Variants in BAZ2B observed in about 807,000 individuals in gnomAD.
The protein encoded by BAZ2B is bromodomain adjacent to zinc finger domain 2B.
BAZ2B carries 91 observed loss-of-function variants against 246.0 expected under a neutral mutation model. The observed-to-expected ratio is 0.37, with a 90% CI of 0.31 to 0.44. The LOEUF (loss-of-function observed/expected upper bound fraction) is 0.44. Ranked by LOEUF, BAZ2B falls within the 20% of genes least tolerant of loss-of-function variation. The probability of loss-of-function intolerance (pLI) is 1.00; values close to 1 mark genes in which losing one functional copy is unlikely to be tolerated. For synonymous variants in BAZ2B, 855 were observed against 860.0 expected (o/e 0.99, Z 0.10); for missense variants, 2,332 against 2,533.7 (o/e 0.92, Z 1.71).
At chr2:159,475,698 C>A (rs976233499) in intron 3 of BAZ2B, among the ~76,000 whole-genome samples, 1 of 152,114 alleles carries the variant, frequency 6.6e-6, no homozygotes, top group Non-Finnish European at 1.5e-5. Flanking sequence ...ATTTATCTAC[C>A]TTTGGTCTTT....
the BAZ2B span, among the ~76,000 whole-genome samples, chr2:159,703,300 G>A: frequency 6.6e-6 from 1 of 151,192 alleles, no homozygotes; most frequent in African/African-American, 2.4e-5. Context: ...TACCACGTTG[G>A]CCAGGCTGGT....
chr2:159,348,408 A>G (rs892962268), intron 30 of BAZ2B, among the ~76,000 whole-genome samples: 3 of 150,960 alleles, frequency 2.0e-5, no homozygotes, highest in Non-Finnish European at 2.9e-5. Flanking sequence ...TTTCTAGGTT[A>G]CTTATAGTAC....
At chr2:159,470,825 T>G (rs191868091) in intron 3 of BAZ2B, among the ~76,000 whole-genome samples, 70 of 152,294 alleles carry the variant, frequency 4.6e-4, no homozygotes, top group Non-Finnish European at 7.5e-4. Context: ...CAAAAGTTTG[T>G]TTTTTGGATG....
At chr2:159,565,476 A>G (rs774283032) in intron 1 of BAZ2B, among the ~76,000 whole-genome samples, 1 of 152,170 alleles carries the variant, frequency 6.6e-6, no homozygotes, top group African/African-American at 2.4e-5. Flanking sequence ...AGTGATTACT[A>G]AGCATCTAAT....
chr2:159,528,403 C>G (rs966932776), intron 2 of BAZ2B, among the ~76,000 whole-genome samples: 7 of 152,102 alleles, frequency 4.6e-5, no homozygotes, highest in Non-Finnish European at 8.8e-5. Flanking sequence ...GTAGAGAAGG[C>G]CAGGTGCAGT....
At position 159,349,904 on chromosome 2, in the gene BAZ2B, T is replaced by C. The variant is rs2058373473; in HGVS notation, c.4667A>G (p.Asn1556Ser). 6.2e-7 allele frequency: 1 copy of C among 1,614,182 alleles called. No homozygotes were observed. The highest frequency in any genetic ancestry group is 8.5e-7 in the Non-Finnish European group (1 of 1,180,002). ...DQLLKTLTEK[N>S]RQWFSLLPRT... ...TGGCAAAAGACTAAACCATTGTCTA[T>C]TCTTTTCAGTCAGCGTTTTTAGTAA... Residue 1556 changes from asparagine (N) to serine (S), a missense_variant, in exon 28 of 37, where the codon AAT (asparagine) becomes AGT (serine). Physicochemically the swap from Asn to Ser is conservative, Grantham distance 46. This residue lies in a region of BAZ2B where 676 missense variants were observed against 668.6 expected (regional missense o/e 1.01). Transcript: ENST00000392783.
chr2:159,555,513 A>G (rs1038756148), intron 2 of BAZ2B: 1 of 152,220 alleles, frequency 6.6e-6, no homozygotes, highest in African/African-American at 2.4e-5. Context: ...TGGTAAAAAT[A>G]AAAACTCAAA....
intron 3 of BAZ2B, among the ~76,000 whole-genome samples, chr2:159,469,740 C>T (rs1216292651): frequency 1.3e-5 from 2 of 152,120 alleles, no homozygotes; most frequent in Admixed American, 1.3e-4. Flanking sequence ...CATGCCCGGC[C>T]TATACCTACA....
chr2:159,369,645 G>A (rs1229495936), intron 27 of BAZ2B, among the ~76,000 whole-genome samples: 1 of 152,096 alleles, frequency 6.6e-6, no homozygotes, highest in Non-Finnish European at 1.5e-5. Flanking sequence ...AGAAGAATGT[G>A]GCTCTTAAAC....
chr2:159,429,242 C>A lies in BAZ2B; in HGVS notation c.2213G>T (p.Arg738Ile). The change falls in exon 11 of 37, where the codon AGA becomes ATA. Residue 738 changes from arginine (R) to isoleucine (I), a missense_variant. Around this residue, in one of 9 missense-constraint regions of BAZ2B, gnomAD observed 651 missense variants for 650.9 expected, o/e 1.00. Coordinates refer to ENST00000392783, the MANE Select transcript of BAZ2B (RefSeq NM_013450.4). ...ACGCAGTTCACGTTCATCTGTTACTCTTCTTCTTTTGGAAGTGCCTTTAAA... is the reference window on the plus strand; with the variant it reads ...ACGCAGTTCACGTTCATCTGTTACTATTCTTCTTTTGGAAGTGCCTTTAAA... ...SPHSGTSKRRRVTDERELRIP... is the reference protein window; with the variant it reads ...SPHSGTSKRRIVTDERELRIP... The A allele has an allele frequency of 6.5e-7, 1 of 1,549,110 alleles. No individual in the cohort carries two copies. The highest frequency in any genetic ancestry group is 8.8e-7 in the Non-Finnish European group (1 of 1,141,600).
intron 1 of BAZ2B, among the ~76,000 whole-genome samples, chr2:159,560,602 C>T (rs1187960465): frequency 6.6e-6 from 1 of 150,552 alleles, no homozygotes; most frequent in Non-Finnish European, 1.5e-5. Flanking sequence ...CAGAGTCTTG[C>T]TCTGTCACCC....
chr2:159,373,213 AT>A, intron 26 of BAZ2B, 24 bp from the exon 27 acceptor site: 1 of 1,596,426 alleles, frequency 6.3e-7, no homozygotes, highest in Non-Finnish European at 8.5e-7. Flanking sequence ...GGTACATATA[AT>A]TAGGTTTGGG....
the BAZ2B span, among the ~76,000 whole-genome samples, chr2:159,686,825 A>G: frequency 1.0e-3 from 153 of 152,062 alleles, no homozygotes; most frequent in African/African-American, 2.8e-3. Context: ...GACGGATCAC[A>G]AGGTCAGGAG....
intron 1 of BAZ2B, among the ~76,000 whole-genome samples, chr2:159,595,079 T>G (rs1690342104): frequency 6.6e-6 from 1 of 151,902 alleles, no homozygotes; most frequent in South Asian, 2.1e-4. Context: ...ACTGAAACAT[T>G]GATTACTATG....
chr2:159,671,776 C>T, the BAZ2B span, among the ~76,000 whole-genome samples: 1 of 152,088 alleles, frequency 6.6e-6, no homozygotes, highest in African/African-American at 2.4e-5. Context: ...TTGGATAGCA[C>T]GTTGTTTTTC....
At chr2:159,688,953 T>C in the BAZ2B span, among the ~76,000 whole-genome samples, 3 of 152,244 alleles carry the variant, frequency 2.0e-5, no homozygotes, top group Non-Finnish European at 2.9e-5. Context: ...AAAGGTGGTA[T>C]ATGTCATGTA....
chr2:159,645,498 C>T, the BAZ2B span, among the ~76,000 whole-genome samples: 3 of 151,942 alleles, frequency 2.0e-5, no homozygotes, highest in African/African-American at 4.8e-5. Context: ...CTAGATCCCT[C>T]CCATGCACTG....
intron 31 of BAZ2B, among the ~76,000 whole-genome samples, chr2:159,344,983 G>T (rs1433567627): frequency 6.6e-6 from 1 of 152,152 alleles, no homozygotes; most frequent in Non-Finnish European, 1.5e-5. Context: ...GCCGAGGTGG[G>T]CAGATGATCT....
At chr2:159,323,539 A>T (rs2063010856) in intron 36 of BAZ2B, among the ~76,000 whole-genome samples, 1 of 151,696 alleles carries the variant, frequency 6.6e-6, no homozygotes, top group African/African-American at 2.4e-5. Context: ...GAGGTGGTTC[A>T]CGCCTGTAAT....
Sources: gnomAD v4.1 joint callset for allele counts (sites outside exome capture counted in the v4.1 genomes callset) on GRCh38, gnomAD v4.1.1 for gene constraint, gnomAD v4.1.1 regional missense constraint, MANE v1.5 for transcripts, NCBI Gene and HGNC (gene_info 2026-07-23, HGNC 2026-07-21) for gene names.